The following EFR3B variants were observed in gnomAD, a reference collection of about 807,000 sequenced individuals.
EFR3B encodes EFR3 homolog B, also known as protein EFR3 homolog B.
EFR3B carries 64 observed loss-of-function variants against 104.7 expected under a neutral mutation model. That is an observed-to-expected ratio of 0.61 (90% confidence interval 0.50 to 0.75). The LOEUF (loss-of-function observed/expected upper bound fraction) is 0.75, where lower values mean the gene tolerates loss of function less well. EFR3B is among the 30% of genes least tolerant of loss of function. The probability of loss-of-function intolerance (pLI) is 0.00; values close to 1 mark genes in which losing one functional copy is unlikely to be tolerated. For synonymous variants in EFR3B, 385 were observed against 417.9 expected, an observed-to-expected ratio of 0.92 and a Z score of 0.96; for missense variants, 750 against 1,078.5, an observed-to-expected ratio of 0.70 and a Z score of 4.27.
chr2:25,045,179 G>T (rs1359761473), intron 1 of EFR3B, among the ~76,000 whole-genome samples: 1 of 152,102 alleles, frequency 6.6e-6, no homozygotes, highest in Admixed American at 6.6e-5. Flanking sequence ...CAGCCTGTTT[G>T]TATCACCTGC....
Position 25,105,339 on chromosome 2 carries a change from C to T in EFR3B, c.363+1552C>T, listed in dbSNP as rs1265346852. Among the ~76,000 whole-genome samples the T allele has an allele frequency of 4.6e-5, 7 of 151,972 alleles. No homozygotes were observed. The East Asian group carries it at 5.8e-4, about 13-fold the overall frequency. ...GGCTAATATTTGTTTTTAGAAGAGA[C>T]GGGGTTTCACCATGTTGTCCAGGCT... is the stretch of plus-strand genomic sequence containing the variant. On this transcript the variant is annotated intron_variant, in intron 4 of 22. Transcript: ENST00000403714.
At chr2:25,143,149 G>T (rs1670720730) in intron 17 of EFR3B, among the ~76,000 whole-genome samples, 1 of 152,026 alleles carries the variant, frequency 6.6e-6, no homozygotes, top group African/African-American at 2.4e-5. Context: ...CTGGGAGGTG[G>T]AGCTTGCGGT....
At chr2:25,152,509 G>C (rs1007172303) in intron 21 of EFR3B, among the ~76,000 whole-genome samples, 5 of 152,070 alleles carry the variant, frequency 3.3e-5, no homozygotes, top group African/African-American at 1.2e-4. Context: ...AAGGAAGATG[G>C]TCAACGTTGG....
At chr2:25,140,754 G>T (rs2149210007) in intron 16 of EFR3B, among the ~76,000 whole-genome samples, 1 of 152,266 alleles carries the variant, frequency 6.6e-6, no homozygotes, top group South Asian at 2.1e-4. Context: ...AAAAAACACA[G>T]GAATGAGGCC....
In EFR3B at chr2:25,074,031, G is replaced by T. The variant is rs1024330701; in HGVS notation, c.8-17294G>T. The stretch of plus-strand genomic sequence containing the variant: ...GCCTCCAAACCAGCCCTGTGTCTTG[G>T]CAATGTCTCATATAGCCAGGTAGCT... On this transcript the variant is annotated intron_variant, in intron 1 of 22. Transcript: ENST00000403714. Among the ~76,000 whole-genome samples the T allele has an allele frequency of 2.6e-5, 4 of 152,262 alleles. No homozygotes were observed. In the East Asian group the frequency reaches 7.7e-4, roughly 29 times the overall value.
intron 1 of EFR3B, among the ~76,000 whole-genome samples, chr2:25,066,796 A>C (rs528822288): frequency 1.7e-4 from 26 of 152,286 alleles, no homozygotes; most frequent in Admixed American, 1.0e-3. Flanking sequence ...AATAAACAAC[A>C]TGACTTCTAG....
chr2:25,122,231 T>G (rs1431395529), intron 5 of EFR3B, among the ~76,000 whole-genome samples: 1 of 151,996 alleles, frequency 6.6e-6, no homozygotes, highest in African/African-American at 2.4e-5. Context: ...CCTCCCAGAG[T>G]GCTAGGATTA....
chr2:25,108,258 A>G (rs953063683), intron 4 of EFR3B, among the ~76,000 whole-genome samples: 1 of 152,144 alleles, frequency 6.6e-6, no homozygotes, highest in Non-Finnish European at 1.5e-5. Flanking sequence ...CTCACTGGGG[A>G]TTCACTTCTG....
In EFR3B at chr2:25,143,219, GA is replaced by G. The variant is rs958167095; in HGVS notation, c.1923-506del. Among the ~76,000 whole-genome samples, 18 of 148,238 alleles carry G rather than the reference GA, an allele frequency of 1.2e-4. No homozygotes were observed. The East Asian group carries it at 1.8e-3, about 15-fold the overall frequency. On this transcript the variant is annotated intron_variant, in intron 17 of 22. Transcript: ENST00000403714. ...TGACAGAGCGAGACTCCGTCTCAAA[GA>G]AAAAAAAAAGTGACTGAAGGATGTG...
intron 1 of EFR3B, among the ~76,000 whole-genome samples, chr2:25,084,743 G>A (rs867433354): frequency 6.6e-6 from 1 of 152,160 alleles, no homozygotes; most frequent in Non-Finnish European, 1.5e-5. Context: ...AGGCGAAGGC[G>A]GAACGACTCA....
chr2:25,062,173 T>C (rs1668216089), intron 1 of EFR3B, among the ~76,000 whole-genome samples: 1 of 152,250 alleles, frequency 6.6e-6, no homozygotes, highest in Admixed American at 6.5e-5. Flanking sequence ...AAAAGTGTTC[T>C]TCATCACCAG....
chr2:25,123,744 C>T (rs1307254641), intron 5 of EFR3B, among the ~76,000 whole-genome samples: 1 of 152,258 alleles, frequency 6.6e-6, no homozygotes, highest in Non-Finnish European at 1.5e-5. Flanking sequence ...CCCTGCCAAG[C>T]TGTCCCAGGG....
In EFR3B at chr2:25,144,883, A is replaced by G; in HGVS notation, c.2051-77A>G. ...GTGGACCAAGCAAAGGCAGAGGGGT[A>G]GGGAGGTGGGACTAGCAGCTCAGTC... On this transcript the variant is annotated intron_variant, in intron 18 of 22. Transcript: ENST00000403714. The G allele has an allele frequency of 2.4e-6, 3 of 1,267,216 alleles. No individual in the cohort carries two copies. The South Asian group carries it at 4.0e-5, about 17-fold the overall frequency. 78.5% of individuals were successfully genotyped at this position (1,267,216 alleles called of 1,614,324 possible). A position where few individuals can be genotyped will look rare whatever the true frequency, so the allele number is the denominator to read the frequency against.
In EFR3B at chr2:25,080,283, CTTTTTTTTTTTTT is replaced by C. The variant is rs563438610; in HGVS notation, c.8-11026_8-11014del. 220 of 154,920 alleles carry C rather than the reference CTTTTTTTTTTTTT, an allele frequency of 1.4e-3. 1 individual carries two copies. The highest frequency in any genetic ancestry group is 2.0e-3 in the Middle Eastern group (1 of 510). 9.6% of individuals were successfully genotyped at this position (154,920 alleles called of 1,614,324 possible). On this transcript the variant is annotated intron_variant, in intron 1 of 22. Coordinates refer to ENST00000403714, the MANE Select transcript of EFR3B (RefSeq NM_014971.2). The stretch of plus-strand genomic sequence containing the variant: ...AGCTGGCTGGAGTCCCTCCCCAAAG[CTTTTTTTTTTTTT>C]TTTTTTTTTTTTTTTGAGATGGAGT...
chr2:25,113,875 C>G (rs1213821849), intron 4 of EFR3B, among the ~76,000 whole-genome samples: 3 of 151,886 alleles, frequency 2.0e-5, no homozygotes, highest in African/African-American at 4.8e-5. Context: ...TTGGGTTACC[C>G]CTATTTGAAA....
At chr2:25,099,548 C>T (rs1226317821) in intron 3 of EFR3B, among the ~76,000 whole-genome samples, 1 of 150,788 alleles carries the variant, frequency 6.6e-6, no homozygotes, top group Non-Finnish European at 1.5e-5. Flanking sequence ...AAGAAATAAA[C>T]ATTTTATAAA....
rs549836377 is a variant in EFR3B at position 25,154,267 on chromosome 2, C to T, written c.2381C>T (p.Ala794Val). 50 of 1,551,928 alleles carry T rather than the reference C, an allele frequency of 3.2e-5. No individual in the cohort carries two copies. The Admixed American group carries it at 5.7e-4, about 18-fold the overall frequency. The change falls in exon 23 of 23, where the codon GCA becomes GTA. Residue 794 changes from alanine (A) to valine (V), a missense_variant. Ala to Val is a moderately conservative substitution (Grantham distance 64, BLOSUM62 0). Coordinates refer to ENST00000403714, the MANE Select transcript of EFR3B (RefSeq NM_014971.2). The surrounding 1 kb of genome is among the most constrained non-coding windows in gnomAD (Gnocchi z 4.1). ...CCAAGCCCATCAGGAACCATCACTGCAGCCTACGGTCAGCCGCAGAACCAC... is the reference window on the plus strand; with the variant it reads ...CCAAGCCCATCAGGAACCATCACTGTAGCCTACGGTCAGCCGCAGAACCAC... ...PPPSPSGTIT[A>V]AYGQPQNHSI...
chr2:25,114,286 C>T lies in EFR3B; in HGVS notation c.364-7387C>T, dbSNP rs56180058. ...TGCCCCAACAGGGACCCACGGACAG[C>T]GCTCCCTGACCAGGTGACCTAGCTG... On this transcript the variant is annotated intron_variant, in intron 4 of 22. Transcript: ENST00000403714. The surrounding 1 kb of genome is among the most constrained non-coding windows in gnomAD (Gnocchi z 4.0). Among the ~76,000 whole-genome samples, 15,721 of 152,154 alleles carry T rather than the reference C, an allele frequency of 0.1. 1,123 individuals carry two copies. Among genetic ancestry groups the T allele is most frequent in the South Asian group, 0.22 (1,039 of 4,810 alleles).
Position 25,155,215 on chromosome 2 carries a change from C to T in EFR3B, c.*875C>T, listed in dbSNP as rs1269353750. ...TAATCTTGGAGGGGAACTACAGGGT[C>T]CCCAAGATTTGCCCACATCACCTCC... On this transcript the variant is annotated 3_prime_UTR_variant, in exon 23 of 23. Transcript: ENST00000403714. The T allele has an allele frequency of 1.3e-5, 2 of 152,134 alleles. No homozygotes were observed. Among genetic ancestry groups the T allele is most frequent in the Non-Finnish European group, 2.9e-5 (2 of 68,062 alleles). 9.4% of individuals were successfully genotyped at this position (152,134 alleles called of 1,614,324 possible). A position where few individuals can be genotyped will look rare whatever the true frequency, so the allele number is the denominator to read the frequency against.
Sources: allele counts gnomAD v4.1 joint callset (sites outside exome capture counted in the v4.1 genomes callset), GRCh38; gene constraint gnomAD v4.1.1; non-coding constraint Gnocchi (gnomAD v3.1); transcripts MANE v1.5; gene names NCBI Gene and HGNC (gene_info 2026-07-23, HGNC 2026-07-21).